VPS33A: variants seen among roughly 807,000 people sequenced by gnomAD.
VPS33A encodes the protein vacuolar protein sorting-associated protein 33A.
In VPS33A, 32 loss-of-function variants were observed where a neutral mutation model predicts 71.8. That is an observed-to-expected ratio of 0.45 (90% CI 0.34 to 0.60). The LOEUF is 0.60. VPS33A is among the 20% of genes least tolerant of loss of function. VPS33A has a pLI of 0.02. For synonymous variants in VPS33A, 311 were observed against 292.7 expected (o/e 1.06, Z -0.64); for missense variants, 625 against 748.5 (o/e 0.84, Z 1.92).
chr12:122,238,758 TTTACATATACATACACAC>T, intron 9 of VPS33A, 34 bp from the exon 10 acceptor site: 1 of 1,548,484 alleles, frequency 6.5e-7, no homozygotes, highest in Non-Finnish European at 8.8e-7. Context: ...TACATATACA[TTTACATATACATACACAC>T]ACACACACAC....
At chr12:122,244,892 C>A in intron 6 of VPS33A, 130 bp from the exon 7 acceptor site, 1 of 853,812 alleles carries the variant, frequency 1.2e-6, no homozygotes, top group Non-Finnish European at 1.8e-6. Context: ...TAGCTCTGAG[C>A]TTTTGATTTT....
intron 7 of VPS33A, 29 bp downstream of exon 7, chr12:122,244,538 GTT>G: frequency 6.4e-7 from 1 of 1,563,886 alleles, no homozygotes; most frequent in Non-Finnish European, 8.7e-7. Flanking sequence ...GAGGCCTAGA[GTT>G]GCAGAATGAC....
At chr12:122,247,089 C>A (rs890489342) in intron 6 of VPS33A, among the ~76,000 whole-genome samples, 1 of 152,186 alleles carries the variant, frequency 6.6e-6, no homozygotes, top group African/African-American at 2.4e-5. Flanking sequence ...CAGTGGTTGT[C>A]CCAAGGTTTG....
chr12:122,244,447 T>C, intron 7 of VPS33A, 122 bp downstream of exon 7: 1 of 805,094 alleles, frequency 1.2e-6, no homozygotes, highest in East Asian at 2.5e-5. Context: ...TTACTGAAGA[T>C]GAGAAAAGTT....
intron 4 of VPS33A, among the ~76,000 whole-genome samples, chr12:122,259,183 A>G (rs201693640): frequency 5.7e-4 from 59 of 103,020 alleles, no homozygotes; most frequent in African/African-American, 1.8e-3. Context: ...GTGTGTATGT[A>G]TGTGTGTATG....
At chr12:122,233,578 G>A (rs1280392593) in intron 11 of VPS33A, among the ~76,000 whole-genome samples, 1 of 152,164 alleles carries the variant, frequency 6.6e-6, no homozygotes, top group Non-Finnish European at 1.5e-5. Flanking sequence ...GCAATGATGT[G>A]CAATAACCTT....
At chr12:122,264,531 T>C (rs1037586075) in intron 1 of VPS33A, among the ~76,000 whole-genome samples, 7 of 152,052 alleles carry the variant, frequency 4.6e-5, no homozygotes, top group Non-Finnish European at 7.4e-5. Context: ...GCTGGGATTA[T>C]AGGCATGCAC....
Position 122,261,272 on chromosome 12 carries a change from C to T in VPS33A, c.472G>A (p.Gly158Ser). 6.3e-7 allele frequency: 1 copy of T among 1,598,306 alleles called. No homozygotes were observed. Among genetic ancestry groups the T allele is most frequent in the Non-Finnish European group, 8.5e-7 (1 of 1,174,740 alleles). Residue 158 changes from glycine (G) to serine (S), a missense_variant, in exon 4 of 13, where the codon GGT becomes AGT. By Grantham distance (56) the Gly-to-Ser change is moderately conservative. Transcript: ENST00000267199. ...AATGCCAAACTTACTTTGAATGCAC[C>T]CTCTGATTCCATGGATAAGAGATCC... Reference protein sequence around the residue: ...DGDLLSMESEGAFKECYLEGD... With the variant: ...DGDLLSMESESAFKECYLEGD...
At chr12:122,243,344 C>G (rs1459874835) in intron 7 of VPS33A, among the ~76,000 whole-genome samples, 1 of 152,108 alleles carries the variant, frequency 6.6e-6, no homozygotes, top group Non-Finnish European at 1.5e-5. Context: ...CTCCTAGGCT[C>G]CTACCTCAGC....
chr12:122,249,983 A>T lies in VPS33A; in HGVS notation c.663T>A (p.Phe221Leu). The T allele has an allele frequency of 6.2e-7, 1 of 1,614,126 alleles. No individual in the cohort carries two copies. Among genetic ancestry groups the T allele is most frequent in the Non-Finnish European group, 8.5e-7 (1 of 1,180,010 alleles). ...REFTGSQNSI[F>L]PVFDNLLLLD... ...GCAACAAGAGATTATCAAAAACAGG[A>T]AATATTGAATTCTGGCTTCCTGTAA... Residue 221 changes from phenylalanine (F) to leucine (L), a missense_variant, in exon 6 of 13, where the codon TTT (phenylalanine) becomes TTA (leucine). Coordinates refer to ENST00000267199, the MANE Select transcript of VPS33A (RefSeq NM_022916.6).
chr12:122,258,370 TA>T (rs1954946392), intron 4 of VPS33A, among the ~76,000 whole-genome samples: 1 of 151,940 alleles, frequency 6.6e-6, no homozygotes, highest in Non-Finnish European at 1.5e-5. Context: ...CACCAAAATT[TA>T]AAACTTTAGT....
At chr12:122,261,218 G>A (rs959204047) in intron 4 of VPS33A, 43 bp downstream of exon 4, 2 of 1,570,918 alleles carry the variant, frequency 1.3e-6, no homozygotes, top group African/African-American at 2.7e-5. Flanking sequence ...CTCATAAACT[G>A]GGCAAAAATT....
rs79461763 is a variant in VPS33A at position 122,250,074 on chromosome 12, G to T, written c.601-29C>A. 1.1e-3 allele frequency: 1,706 copies of T among 1,564,794 alleles called. 21 individuals are homozygous for T. The East Asian group carries it at 0.028, about 26-fold the overall frequency. Reference sequence around the variant, plus strand: ...GAAACAAAACATTGGATGAGGTGGGGCCCCCCTGGGAACAAGCAGATTTTA... The same window carrying T: ...GAAACAAAACATTGGATGAGGTGGGTCCCCCCTGGGAACAAGCAGATTTTA... On this transcript the variant is annotated intron_variant, in intron 5 of 12. Coordinates refer to ENST00000267199, the MANE Select transcript of VPS33A (RefSeq NM_022916.6).
intron 4 of VPS33A, among the ~76,000 whole-genome samples, chr12:122,251,914 A>G (rs1229095094): frequency 3.4e-5 from 5 of 146,008 alleles, no homozygotes; most frequent in Admixed American, 3.3e-4. Flanking sequence ...CCTAGAACTT[A>G]AAGTATAAAA....
At chr12:122,247,471 T>TA (rs1566044309) in intron 6 of VPS33A, among the ~76,000 whole-genome samples, 1 of 152,096 alleles carries the variant, frequency 6.6e-6, no homozygotes, top group Non-Finnish European at 1.5e-5. Context: ...TGTCAATAAA[T>TA]AGAGTTTTAA....
At chr12:122,239,971 A>T in intron 8 of VPS33A, 26 bp from the exon 9 acceptor site, 3 of 1,550,784 alleles carry the variant, frequency 1.9e-6, no homozygotes, top group Non-Finnish European at 2.7e-6. Flanking sequence ...CAAATTTGCA[A>T]CTTAGAAATT....
In VPS33A at chr12:122,232,762, A is replaced by G. The variant is rs747713703; in HGVS notation, c.1609+38T>C. ...TACAATACCTGAAAACCACACTAAC[A>G]GTACATAATTATCTGTAGATGCTGG... is the stretch of plus-strand genomic sequence containing the variant. On this transcript the variant is annotated intron_variant, in intron 12 of 12. Transcript: ENST00000267199. The G allele has an allele frequency of 2.5e-6, 4 of 1,581,868 alleles. No individual in the cohort carries two copies. In the Admixed American group the frequency reaches 5.4e-5, roughly 21 times the overall value.
chr12:122,263,770 C>A, intron 2 of VPS33A, 71 bp from the exon 3 acceptor site: 1 of 1,470,622 alleles, frequency 6.8e-7, no homozygotes, highest in Non-Finnish European at 9.1e-7. Context: ...ACTCAGAAAT[C>A]ATAAATACCC....
Position 122,261,285 on chromosome 12 carries a change from G to A in VPS33A, c.459C>T (p.Ser153=), listed in dbSNP as rs145634176. ...DLIPFDGDLL[S]MESEGAFKEC... is the part of the protein sequence containing the mutation. ...CTTTGAATGCACCCTCTGATTCCAT[G>A]GATAAGAGATCCCCATCGAATGGAA... Residue 153 remains serine (S), a synonymous_variant, in exon 4 of 13, where the codon TCC becomes TCT. Transcript: ENST00000267199. The A allele has an allele frequency of 3.5e-4, 562 of 1,605,918 alleles. 4 individuals are homozygous for A. In the African/African-American group the frequency reaches 7.1e-3, roughly 20 times the overall value.
Sources: allele counts gnomAD v4.1 joint callset (sites outside exome capture counted in the v4.1 genomes callset), GRCh38; gene constraint gnomAD v4.1.1; transcripts MANE v1.5; gene names NCBI Gene and HGNC (gene_info 2026-07-23, HGNC 2026-07-21).